The following RIMS2 variants were observed in gnomAD, a reference collection of about 807,000 sequenced individuals.
RIMS2 encodes regulating synaptic membrane exocytosis 2, also known as regulating synaptic membrane exocytosis protein 2.
RIMS2 carries 59 observed loss-of-function variants against 174.4 expected under a neutral mutation model. That is an observed-to-expected ratio of 0.34 (90% CI 0.27 to 0.42). The LOEUF (loss-of-function observed/expected upper bound fraction) is 0.42, where lower values mean the gene tolerates loss of function less well. Ranked by LOEUF, RIMS2 falls within the 10% of genes least tolerant of loss-of-function variation. The pLI, the probability that RIMS2 is intolerant of heterozygous loss-of-function variation, is 1.00. For missense variants in RIMS2, 1,620 were observed against 1,666.3 expected, an observed-to-expected ratio of 0.97 and a Z score of 0.48; for synonymous variants, 606 against 572.5, an observed-to-expected ratio of 1.06 and a Z score of -0.84.
At chr8:103,588,421 A>G (rs976866243) in intron 1 of RIMS2, among the ~76,000 whole-genome samples, 10 of 151,962 alleles carry the variant, frequency 6.6e-5, no homozygotes, top group Non-Finnish European at 1.3e-4. Flanking sequence ...TAAAATTTAT[A>G]TGGAACCATA....
Position 103,559,929 on chromosome 8 carries a change from C to T in RIMS2, c.176+58867C>T, listed in dbSNP as rs76406180. Among the ~76,000 whole-genome samples, 1,081 of 152,270 alleles carry T rather than the reference C, an allele frequency of 7.1e-3. 21 individuals carry two copies. The highest frequency in any genetic ancestry group is 0.025 in the African/African-American group (1,020 of 41,548). On this transcript the variant is annotated intron_variant, in intron 1 of 23. Coordinates refer to ENST00000504942, the Ensembl canonical transcript of RIMS2. Reference sequence around the variant, plus strand: ...TGAAATAAAGAAGGCCAGATTATACCTACACATGCAGTGAGCTGAATTATA... The same window carrying T: ...TGAAATAAAGAAGGCCAGATTATACTTACACATGCAGTGAGCTGAATTATA...
intron 1 of RIMS2, among the ~76,000 whole-genome samples, chr8:103,545,447 CAT>C (rs1020314201): frequency 5.9e-5 from 9 of 152,172 alleles, no homozygotes; most frequent in Admixed American, 6.5e-5. Flanking sequence ...ACTTGGAAAA[CAT>C]ATTTGAGGCT....
chr8:103,907,325 C>A (rs1023189986), intron 4 of RIMS2, among the ~76,000 whole-genome samples: 4 of 152,192 alleles, frequency 2.6e-5, no homozygotes, highest in Admixed American at 2.0e-4. Context: ...TTTCTTCAAC[C>A]TGGTTTTAAT....
At chr8:103,532,246 G>C (rs1352685638) in intron 1 of RIMS2, among the ~76,000 whole-genome samples, 1 of 152,140 alleles carries the variant, frequency 6.6e-6, no homozygotes, top group African/African-American at 2.4e-5. Context: ...GTAGCTCTGA[G>C]ATGTGGTCCC....
At chr8:104,195,760 A>T (rs2099021148) in intron 19 of RIMS2, among the ~76,000 whole-genome samples, 1 of 151,996 alleles carries the variant, frequency 6.6e-6, no homozygotes, top group African/African-American at 2.4e-5. Flanking sequence ...CAGTCTGCCC[A>T]CCTCAACCTC....
rs573085710 is a variant in RIMS2 at position 103,811,699 on chromosome 8, G to A, written c.698+45162G>A. ...GGCCTCAGGTGATGCACCCACCTCG[G>A]CCTCCCAGAGTTCTAGGATTACAGG... On this transcript the variant is annotated intron_variant, in intron 3 of 23. Coordinates refer to ENST00000504942, the Ensembl canonical transcript of RIMS2. 8.0e-4 allele frequency among the ~76,000 whole-genome samples: 122 copies of A among 152,216 alleles called. 1 individual carries two copies. The highest frequency in any genetic ancestry group is 1.5e-3 in the Non-Finnish European group (104 of 68,032).
intron 22 of RIMS2, among the ~76,000 whole-genome samples, chr8:104,250,274 T>C (rs1331605638): frequency 6.6e-6 from 1 of 152,204 alleles, no homozygotes; most frequent in East Asian, 1.9e-4. Context: ...ACTTGTAATT[T>C]TGACTCTCAA....
At chr8:103,559,336 CT>C in intron 1 of RIMS2, 1 of 229,436 alleles carries the variant, frequency 4.4e-6, no homozygotes, top group Non-Finnish European at 8.8e-6. Flanking sequence ...CCATAACTTC[CT>C]TCTCCTTTAT....
intron 15 of RIMS2, among the ~76,000 whole-genome samples, chr8:103,973,826 C>T (rs1320482123): frequency 1.3e-5 from 2 of 152,184 alleles, no homozygotes; most frequent in Admixed American, 6.5e-5. Flanking sequence ...ATGTTCCACC[C>T]ATATCCTCTT....
At chr8:104,189,584 A>T (rs990913391) in intron 19 of RIMS2, among the ~76,000 whole-genome samples, 1 of 133,086 alleles carries the variant, frequency 7.5e-6, no homozygotes, top group African/African-American at 3.0e-5. Flanking sequence ...TATATACATT[A>T]TATATATATA....
chr8:104,148,117 AT>A (rs1412774371), intron 19 of RIMS2, among the ~76,000 whole-genome samples: 1 of 150,834 alleles, frequency 6.6e-6, no homozygotes, highest in Non-Finnish European at 1.5e-5. Context: ...GATAAACCTT[AT>A]TATAAGAAAA....
intron 14 of RIMS2, among the ~76,000 whole-genome samples, chr8:103,953,018 T>C (rs2085913487): frequency 1.3e-5 from 2 of 152,010 alleles, no homozygotes; most frequent in African/African-American, 2.4e-5. Flanking sequence ...ATATCAGAGA[T>C]TGAAGATCAA....
At chr8:104,068,855 T>C (rs1330174861) in intron 19 of RIMS2, among the ~76,000 whole-genome samples, 1 of 152,194 alleles carries the variant, frequency 6.6e-6, no homozygotes, top group Non-Finnish European at 1.5e-5. Context: ...TTTTACAGTT[T>C]TTCATTTTGT....
intron 14 of RIMS2, among the ~76,000 whole-genome samples, chr8:103,952,187 C>T (rs566775512): frequency 6.6e-6 from 1 of 152,334 alleles, no homozygotes; most frequent in South Asian, 2.1e-4. Flanking sequence ...CTTCAGCAGA[C>T]TTAAACGTTC....
At chr8:103,575,681 C>A (rs112756352) in intron 1 of RIMS2, among the ~76,000 whole-genome samples, 90 of 141,892 alleles carry the variant, frequency 6.3e-4, no homozygotes, top group Non-Finnish European at 1.1e-3. Flanking sequence ...TACACACACA[C>A]ACACATATAT....
At chr8:104,088,324 T>A (rs889394109) in intron 19 of RIMS2, among the ~76,000 whole-genome samples, 1 of 152,000 alleles carries the variant, frequency 6.6e-6, no homozygotes, top group Non-Finnish European at 1.5e-5. Context: ...ATTTAATGAC[T>A]GCAGTGCCAG....
intron 19 of RIMS2, among the ~76,000 whole-genome samples, chr8:104,195,555 G>A (rs1317516181): frequency 6.9e-6 from 1 of 144,696 alleles, no homozygotes; most frequent in Non-Finnish European, 1.5e-5. Context: ...CTCTCTGTCA[G>A]CCAGGCTGGA....
intron 16 of RIMS2, among the ~76,000 whole-genome samples, chr8:103,983,211 G>A (rs1365996796): frequency 1.3e-5 from 2 of 152,110 alleles, no homozygotes; most frequent in East Asian, 3.8e-4. Context: ...TCTCTACAAT[G>A]AAAACTATAA....
At chr8:104,056,185 A>G (rs773530348) in intron 19 of RIMS2, among the ~76,000 whole-genome samples, 1 of 152,058 alleles carries the variant, frequency 6.6e-6, no homozygotes, top group African/African-American at 2.4e-5. Context: ...CGGGCAGATC[A>G]TGAGGTCAGG....
Sources: allele counts gnomAD v4.1 joint callset (sites outside exome capture counted in the v4.1 genomes callset), GRCh38; gene constraint gnomAD v4.1.1; transcripts MANE v1.5; gene names NCBI Gene and HGNC (gene_info 2026-07-23, HGNC 2026-07-21).